Variants in KAT6A observed in about 807,000 individuals in gnomAD.
KAT6A encodes the protein lysine acetyltransferase 6A, also known as histone acetyltransferase KAT6A.
A neutral mutation model predicts 198.4 loss-of-function variants in KAT6A; 9 were observed. The observed-to-expected ratio is 0.05, with a 90% CI of 0.03 to 0.08. KAT6A has a LOEUF of 0.08. Ranked by LOEUF, KAT6A falls within the 10% of genes least tolerant of loss-of-function variation. The pLI is 1.00. For missense variants in KAT6A, 2,077 were observed against 2,509.9 expected (o/e 0.83, Z 3.69); for synonymous variants, 890 against 883.0 (o/e 1.01, Z -0.14).
rs747473360 is a variant in KAT6A, at chr8:41,934,414, T to C, written c.3806A>G (p.Glu1269Gly). 2.0e-5 allele frequency: 32 copies of C among 1,611,884 alleles called. No individual in the cohort carries two copies. Among genetic ancestry groups the C allele is most frequent in the Non-Finnish European group, 2.6e-5 (31 of 1,178,916 alleles). ...GGGCTTCTCTTCTTCCTCCTCCACC[T>C]CAGGCTCCTTGGTTTCGGTCTCAGG... ...NSPETETKEP[E>G]VEEEEEKPRV... The change falls in exon 17 of 17, where the codon GAG becomes GGG. Residue 1269 changes from glutamate to glycine, a missense_variant. Physicochemically the swap from Glu to Gly is moderately conservative, Grantham distance 98. Coordinates refer to ENST00000265713, the MANE Select transcript of KAT6A (RefSeq NM_006766.5).
chr8:42,012,449 C>T (rs1413204680), intron 2 of KAT6A, among the ~76,000 whole-genome samples: 1 of 151,960 alleles, frequency 6.6e-6, no homozygotes, highest in East Asian at 1.9e-4. Flanking sequence ...GACAAGTGTC[C>T]CTAGAGAAGC....
intron 9 of KAT6A, among the ~76,000 whole-genome samples, chr8:41,950,839 C>T (rs1822632277): frequency 6.6e-6 from 1 of 151,882 alleles, no homozygotes. Flanking sequence ...TATTTCAAAA[C>T]ATCATGTTGT....
At chr8:41,968,967 A>G (rs996366986) in intron 8 of KAT6A, among the ~76,000 whole-genome samples, 3 of 152,172 alleles carry the variant, frequency 2.0e-5, no homozygotes, top group African/African-American at 7.2e-5. Context: ...CTTGCTAAAT[A>G]TTTCAATTAT....
In KAT6A at chr8:41,937,372, A is replaced by G; in HGVS notation, c.3236T>C (p.Leu1079Pro). Residue 1079 changes from leucine (L) to proline (P), a missense_variant, in exon 16 of 17, where the codon CTT becomes CCT. Physicochemically the swap from Leu to Pro is moderately conservative, Grantham distance 98. Around this residue, in one of 13 missense-constraint regions of KAT6A, gnomAD observed 375 missense variants for 383.0 expected, o/e 0.98. Coordinates refer to ENST00000265713, the MANE Select transcript of KAT6A (RefSeq NM_006766.5). ...ACGACGGAAGTATTCTCTAGGGAAAAGTTCATTTTCATCCTCTTCCTCCTC... is the reference window on the plus strand; with the variant it reads ...ACGACGGAAGTATTCTCTAGGGAAAGGTTCATTTTCATCCTCTTCCTCCTC... Reference protein sequence around the residue: ...EEEEEEDENELFPREYFRRLS... With the variant: ...EEEEEEDENEPFPREYFRRLS... 6.2e-7 allele frequency: 1 copy of G among 1,614,120 alleles called. No homozygotes were observed. The highest frequency in any genetic ancestry group is 1.1e-5 in the South Asian group (1 of 91,078).
At chr8:41,982,860 T>C (rs1587780544) in intron 3 of KAT6A, among the ~76,000 whole-genome samples, 1 of 152,340 alleles carries the variant, frequency 6.6e-6, no homozygotes, top group South Asian at 2.1e-4. Context: ...AACTTTATTA[T>C]ATGTATGTAT....
At chr8:41,947,942 G>A (rs2150866681) in intron 10 of KAT6A, 30 bp from the exon 11 acceptor site, 3 of 1,532,286 alleles carry the variant, frequency 2.0e-6, no homozygotes, top group South Asian at 2.5e-5. Flanking sequence ...AAAACAGTCA[G>A]TAGAGGGTCT....
rs1205123873 is a variant in KAT6A at position 42,048,629 on chromosome 8, T to C, written c.349A>G (p.Thr117Ala). The C allele has an allele frequency of 1.2e-6, 2 of 1,614,084 alleles. No homozygotes were observed. Among genetic ancestry groups the C allele is most frequent in the Non-Finnish European group, 1.7e-6 (2 of 1,180,036 alleles). ...AAAAAACGTTCAATGCTTTTCAAAG[T>C]TGAGCCACCAGACTCTGCCAAGCCC... ...VEGLAESGGSTLKSIERFLKG... is the reference protein window; with the variant it reads ...VEGLAESGGSALKSIERFLKG... Residue 117 changes from threonine (T) to alanine (A), a missense_variant, in exon 2 of 17, where the codon ACT becomes GCT. Transcript: ENST00000265713.
intron 9 of KAT6A, among the ~76,000 whole-genome samples, chr8:41,951,701 C>T (rs1197011715): frequency 6.6e-6 from 1 of 152,226 alleles, no homozygotes; most frequent in African/African-American, 2.4e-5. Flanking sequence ...GCATGCTTCT[C>T]TAACTTCTAG....
chr8:42,025,832 G>A (rs988954103), intron 2 of KAT6A, among the ~76,000 whole-genome samples: 2 of 152,144 alleles, frequency 1.3e-5, no homozygotes, highest in Non-Finnish European at 2.9e-5. Flanking sequence ...ATCTTTGCCT[G>A]TATCAATGTC....
At chr8:41,959,139 T>G (rs1823067206) in intron 8 of KAT6A, among the ~76,000 whole-genome samples, 1 of 124,438 alleles carries the variant, frequency 8.0e-6, no homozygotes, top group Non-Finnish European at 1.6e-5. Flanking sequence ...CCAGCCTGGG[T>G]GACAGAGCCA....
At chr8:41,995,164 A>G (rs1825136396) in intron 2 of KAT6A, among the ~76,000 whole-genome samples, 1 of 152,244 alleles carries the variant, frequency 6.6e-6, no homozygotes, top group South Asian at 2.1e-4. Flanking sequence ...AGATATAATA[A>G]GAGTACCTTA....
chr8:42,050,926 AC>A (rs1413746728), intron 1 of KAT6A, among the ~76,000 whole-genome samples: 2 of 151,874 alleles, frequency 1.3e-5, no homozygotes, highest in Non-Finnish European at 2.9e-5. Context: ...AGCGAGCGCA[AC>A]TCGCTTCCGA....
intron 8 of KAT6A, among the ~76,000 whole-genome samples, chr8:41,973,358 T>C (rs1471059257): frequency 6.6e-6 from 1 of 152,066 alleles, no homozygotes; most frequent in Non-Finnish European, 1.5e-5. Flanking sequence ...CCCGAGTAGC[T>C]GGGACCACAG....
chr8:41,956,326 TACTA>T (rs558523037), intron 8 of KAT6A, among the ~76,000 whole-genome samples: 4 of 152,102 alleles, frequency 2.6e-5, no homozygotes, highest in South Asian at 2.1e-4. Flanking sequence ...GCTCTACAAA[TACTA>T]ACTGACAAGA....
chr8:41,979,298 T>C (rs575265175), intron 5 of KAT6A, among the ~76,000 whole-genome samples: 20 of 151,866 alleles, frequency 1.3e-4, no homozygotes, highest in South Asian at 2.1e-4. Flanking sequence ...AAAGCTGCTA[T>C]ATAATCTCTT....
At position 41,933,792 on chromosome 8, in the gene KAT6A, C is replaced by T. The variant is rs369778154; in HGVS notation, c.4428G>A (p.Ala1476=). 4.3e-5 allele frequency: 70 copies of T among 1,613,966 alleles called. No individual in the cohort carries two copies. Among genetic ancestry groups the T allele is most frequent in the Middle Eastern group, 1.6e-4 (1 of 6,084 alleles). ...AGGAGATAGGGCTATTATGTTCTGA[C>T]GCATGACAGTCTTCAACCATGGACA... The part of the protein sequence containing the change: ...PQMSMVEDCH[A]SEHNSPISSV... Residue 1476 remains alanine (A), a synonymous_variant, in exon 17 of 17, where the codon GCG becomes GCA. Coordinates refer to ENST00000265713, the MANE Select transcript of KAT6A (RefSeq NM_006766.5). This position sits in a 1 kb window ranked among gnomAD's most constrained non-coding sequence, Gnocchi z 6.2.
At chr8:41,990,994 C>CA (rs61543371) in intron 2 of KAT6A, among the ~76,000 whole-genome samples, 927 of 80,146 alleles carry the variant, frequency 0.012, 2 homozygotes, top group Non-Finnish European at 0.017. Flanking sequence ...GACTCCGTCT[C>CA]AAAAAAAAAA....
Position 41,933,237 on chromosome 8 carries a change from C to CGGCTGTGGCTGCTGT in KAT6A, c.4968_4982dup (p.Gln1657_Pro1661dup), listed in dbSNP as rs750049486. 1,599 of 1,550,158 alleles carry CGGCTGTGGCTGCTGT rather than the reference C, an allele frequency of 1.0e-3. 1 individual carries two copies. Among genetic ancestry groups the CGGCTGTGGCTGCTGT allele is most frequent in the Non-Finnish European group, 1.3e-3 (1,509 of 1,152,808 alleles). Reference sequence around the variant, plus strand: ...GTGCTGGTTGTGGTTGTGGCGGCGGCGGCTGTGGCTGCTGTGGAGGCGGTG... The same window carrying CGGCTGTGGCTGCTGT: ...GTGCTGGTTGTGGTTGTGGCGGCGGCGGCTGTGGCTGCTGTGGCTGTGGCTGCTGTGGAGGCGGTG... On this transcript the variant is annotated inframe_insertion, in exon 17 of 17. Transcript: ENST00000265713. This position sits in a 1 kb window ranked among gnomAD's most constrained non-coding sequence, Gnocchi z 6.2.
At chr8:42,000,620 T>C (rs1288648169) in intron 2 of KAT6A, among the ~76,000 whole-genome samples, 5 of 152,192 alleles carry the variant, frequency 3.3e-5, no homozygotes, top group African/African-American at 1.2e-4. Context: ...AAGACTTTCA[T>C]GTTCATTAAA....
Sources: gnomAD v4.1 joint callset for allele counts (sites outside exome capture counted in the v4.1 genomes callset) on GRCh38, gnomAD v4.1.1 for gene constraint, gnomAD v4.1.1 regional missense constraint, Gnocchi (gnomAD v3.1) non-coding constraint, MANE v1.5 for transcripts, NCBI Gene and HGNC (gene_info 2026-07-23, HGNC 2026-07-21) for gene names.